Variants in PGBD5 observed in about 807,000 individuals in gnomAD.
PGBD5 encodes piggyBac transposable element-derived protein 5.
In PGBD5, 14 loss-of-function variants were observed where a neutral mutation model predicts 47.9. That is an observed-to-expected ratio of 0.29 (90% confidence interval 0.19 to 0.46). The LOEUF is 0.46. Ranked by LOEUF, PGBD5 falls within the 20% of genes least tolerant of loss-of-function variation. The pLI is 1.00. For missense variants in PGBD5, 635 were observed against 716.0 expected (o/e 0.89, Z 1.29); for synonymous variants, 316 against 306.3 (o/e 1.03, Z -0.33).
At chr1:230,384,009 C>T (rs531626578) in intron 1 of PGBD5, among the ~76,000 whole-genome samples, 3 of 151,012 alleles carry the variant, frequency 2.0e-5, no homozygotes, top group South Asian at 2.1e-4. Context: ...AGAGAAACAG[C>T]GTGCTTGTCC....
At chr1:230,400,341 C>T (rs1193917552) in intron 1 of PGBD5, among the ~76,000 whole-genome samples, 1 of 151,882 alleles carries the variant, frequency 6.6e-6, no homozygotes, top group Non-Finnish European at 1.5e-5. Flanking sequence ...CACCCCTCCC[C>T]CACACTCTCA....
intron 1 of PGBD5, among the ~76,000 whole-genome samples, chr1:230,420,355 G>A (rs570967567): frequency 4.3e-4 from 66 of 152,290 alleles, no homozygotes; most frequent in African/African-American, 1.4e-3. Context: ...TGTAATGTAA[G>A]ATACATGAAG....
Position 230,357,405 on chromosome 1 carries a change from C to T in PGBD5, c.332-84G>A. 1 of 1,457,894 alleles carries T rather than the reference C, an allele frequency of 6.9e-7. No homozygotes were observed. The allele number at this position is 1,457,894 out of a possible 1,614,324, so 90.3% of individuals were successfully genotyped here. ...ACGAGAACGGCTGCATTTCCAATCCCTGGGTCCCTGGCCGAGTGCCCCCGC... is the reference window on the plus strand; with the variant it reads ...ACGAGAACGGCTGCATTTCCAATCCTTGGGTCCCTGGCCGAGTGCCCCCGC... On this transcript the variant is annotated intron_variant, in intron 1 of 6. Transcript: ENST00000391860. The surrounding 1 kb of genome is among the most constrained non-coding windows in gnomAD (Gnocchi z 5.7).
intron 1 of PGBD5, among the ~76,000 whole-genome samples, chr1:230,399,080 G>A (rs953016988): frequency 1.3e-5 from 2 of 151,896 alleles, no homozygotes; most frequent in African/African-American, 4.8e-5. Flanking sequence ...TAAGTGTCAG[G>A]TGCAGCTCAT....
rs528268333 is a variant in PGBD5 at position 230,392,272 on chromosome 1, C to T, written c.331+33326G>A. 1.1e-4 allele frequency among the ~76,000 whole-genome samples: 17 copies of T among 152,318 alleles called. No homozygotes were observed. The South Asian group carries it at 2.9e-3, about 26-fold the overall frequency. ...TCCTTTGGGGATAAGCACTGACCCA[C>T]GGCCCTGGAGGGGCATCCCTCCAGG... is the stretch of plus-strand genomic sequence containing the variant. On this transcript the variant is annotated intron_variant, in intron 1 of 6. Coordinates refer to ENST00000391860, the MANE Select transcript of PGBD5 (RefSeq NM_001258311.2).
intron 1 of PGBD5, among the ~76,000 whole-genome samples, chr1:230,370,078 T>C (rs2102716957): frequency 6.6e-6 from 1 of 152,318 alleles, no homozygotes; most frequent in Non-Finnish European, 1.5e-5. Context: ...CGGGAGCCTC[T>C]GCAGATGCAG....
intron 1 of PGBD5, among the ~76,000 whole-genome samples, chr1:230,366,854 G>C (rs2102713972): frequency 6.6e-6 from 1 of 152,178 alleles, no homozygotes; most frequent in Non-Finnish European, 1.5e-5. Flanking sequence ...ACGTACAGAT[G>C]GCTGTTACGA....
intron 1 of PGBD5, among the ~76,000 whole-genome samples, chr1:230,404,279 G>C (rs1184634946): frequency 6.6e-6 from 1 of 152,084 alleles, no homozygotes; most frequent in African/African-American, 2.4e-5. Flanking sequence ...AGGAGCTCGA[G>C]ACTAGCCTGG....
chr1:230,327,256 T>A (rs988138964), intron 5 of PGBD5, among the ~76,000 whole-genome samples: 2 of 152,040 alleles, frequency 1.3e-5, no homozygotes, highest in African/African-American at 4.8e-5. Context: ...ATTGTGAAAT[T>A]TCAGCAATAC....
intron 1 of PGBD5, among the ~76,000 whole-genome samples, chr1:230,400,256 C>T (rs1657104520): frequency 6.6e-6 from 1 of 152,200 alleles, no homozygotes; most frequent in Admixed American, 6.5e-5. Context: ...TCCTTCACCG[C>T]CTGGGAGCTT....
At chr1:230,373,970 C>T (rs1322743382) in intron 1 of PGBD5, among the ~76,000 whole-genome samples, 1 of 152,130 alleles carries the variant, frequency 6.6e-6, no homozygotes, top group African/African-American at 2.4e-5. Flanking sequence ...GTGTGAGCCA[C>T]CACGCCTGGC....
At chr1:230,399,286 C>T (rs1404451712) in intron 1 of PGBD5, among the ~76,000 whole-genome samples, 1 of 152,182 alleles carries the variant, frequency 6.6e-6, no homozygotes, top group African/African-American at 2.4e-5. Context: ...TGTATTCTGT[C>T]TGGCAACCCT....
Position 230,357,590 on chromosome 1 carries a change from C to A in PGBD5, c.332-269G>T, listed in dbSNP as rs901039357. Among the ~76,000 whole-genome samples, 2 of 152,154 alleles carry A rather than the reference C, an allele frequency of 1.3e-5. No individual in the cohort carries two copies. Among genetic ancestry groups the A allele is most frequent in the African/African-American group, 2.4e-5 (1 of 41,434 alleles). On this transcript the variant is annotated intron_variant, in intron 1 of 6. Transcript: ENST00000391860. The surrounding 1 kb of genome is among the most constrained non-coding windows in gnomAD (Gnocchi z 5.7). ...CAGCTCCTCCCAGACACCACAGGAA[C>A]AAACAGCCCTGACACCCGGAGTGCA...
At chr1:230,417,489 A>G (rs571352251) in intron 1 of PGBD5, among the ~76,000 whole-genome samples, 3 of 152,372 alleles carry the variant, frequency 2.0e-5, no homozygotes, top group South Asian at 4.1e-4. Flanking sequence ...TTTCACTAAG[A>G]AAGTCTCAAG....
At chr1:230,371,471 T>G (rs1667927899) in intron 1 of PGBD5, among the ~76,000 whole-genome samples, 1 of 152,172 alleles carries the variant, frequency 6.6e-6, no homozygotes, top group Non-Finnish European at 1.5e-5. Context: ...TTGGAAGAAT[T>G]GAAGTCACAA....
At position 230,425,936 on chromosome 1, in the gene PGBD5, G is replaced by T; in HGVS notation, c.-8C>A. 1.1e-6 allele frequency: 1 copy of T among 918,214 alleles called. No homozygotes were observed. Among genetic ancestry groups the T allele is most frequent in the East Asian group, 1.5e-4 (1 of 6,494 alleles). 56.9% of individuals were successfully genotyped at this position (918,214 alleles called of 1,614,324 possible). On this transcript the variant is annotated 5_prime_UTR_variant, in exon 1 of 7. Coordinates refer to ENST00000391860, the MANE Select transcript of PGBD5 (RefSeq NM_001258311.2). The surrounding 1 kb of genome is among the most constrained non-coding windows in gnomAD (Gnocchi z 4.7). ...CCCGCCGCCCTCGGCCATGGCCCCG[G>T]CCGCCGCCCGCGCGCCCGCCCCCAC...
chr1:230,347,060 G>A (rs1316982327), intron 3 of PGBD5, among the ~76,000 whole-genome samples: 1 of 152,098 alleles, frequency 6.6e-6, no homozygotes, highest in African/African-American at 2.4e-5. Flanking sequence ...AAATAAATAA[G>A]TATTCTTAGG....
At chr1:230,340,218 G>C (rs1448178593) in intron 3 of PGBD5, among the ~76,000 whole-genome samples, 1 of 152,096 alleles carries the variant, frequency 6.6e-6, no homozygotes, top group Non-Finnish European at 1.5e-5. Flanking sequence ...TCAGAAATGT[G>C]TTAAAAGGAT....
chr1:230,422,312 A>C (rs918662209), intron 1 of PGBD5, among the ~76,000 whole-genome samples: 2 of 152,174 alleles, frequency 1.3e-5, no homozygotes, highest in South Asian at 4.2e-4. Context: ...TCAGAATAAG[A>C]AACCAAAAGG....
Sources: allele counts gnomAD v4.1 joint callset (sites outside exome capture counted in the v4.1 genomes callset), GRCh38; gene constraint gnomAD v4.1.1; non-coding constraint Gnocchi (gnomAD v3.1); transcripts MANE v1.5; gene names NCBI Gene and HGNC (gene_info 2026-07-23, HGNC 2026-07-21).